Variants in PTPRZ1 observed in about 807,000 individuals in gnomAD.
PTPRZ1 encodes receptor-type tyrosine-protein phosphatase zeta.
PTPRZ1 carries 82 observed loss-of-function variants against 214.1 expected under a neutral mutation model. That is an observed-to-expected ratio of 0.38 (90% CI 0.32 to 0.46). PTPRZ1 has a LOEUF of 0.46. Ranked by LOEUF, PTPRZ1 falls within the 20% of genes least tolerant of loss-of-function variation. The pLI, the probability that PTPRZ1 is intolerant of heterozygous loss-of-function variation, is 1.00. For synonymous variants in PTPRZ1, 945 were observed against 987.9 expected, an observed-to-expected ratio of 0.96 and a Z score of 0.81; for missense variants, 2,603 against 2,748.7, an observed-to-expected ratio of 0.95 and a Z score of 1.19.
intron 1 of PTPRZ1, among the ~76,000 whole-genome samples, chr7:121,896,127 C>T (rs76477885): frequency 2.0e-5 from 3 of 152,280 alleles, no homozygotes; most frequent in Non-Finnish European, 4.4e-5. Context: ...AAAAGGAACA[C>T]ATTAACAGCA....
intron 6 of PTPRZ1, among the ~76,000 whole-genome samples, chr7:121,978,144 C>T (rs2116549288): frequency 6.6e-6 from 1 of 152,240 alleles, no homozygotes; most frequent in South Asian, 2.1e-4. Flanking sequence ...GTCTGAAAGC[C>T]ATTCAGGAAG....
intron 29 of PTPRZ1, 43 bp downstream of exon 29, chr7:122,059,931 A>G: frequency 7.6e-6 from 12 of 1,585,982 alleles, no homozygotes; most frequent in Non-Finnish European, 1.0e-5. Flanking sequence ...CTGATAGAGT[A>G]CAACTAACTT....
intron 2 of PTPRZ1, among the ~76,000 whole-genome samples, chr7:121,938,332 TAAAC>T (rs1375229995): frequency 6.6e-6 from 1 of 152,240 alleles, no homozygotes; most frequent in East Asian, 1.9e-4. Context: ...GTTTTCAAGA[TAAAC>T]AATAACTTGT....
intron 2 of PTPRZ1, among the ~76,000 whole-genome samples, chr7:121,933,595 A>T (rs2116393016): frequency 6.6e-6 from 1 of 152,310 alleles, no homozygotes; most frequent in South Asian, 2.1e-4. Context: ...TTAAATATCG[A>T]ATTGATTCTA....
At position 122,034,243 on chromosome 7, in the gene PTPRZ1, G is replaced by A. The variant is rs1485139526; in HGVS notation, c.5188-39G>A. The A allele has an allele frequency of 2.5e-6, 4 of 1,587,980 alleles. No homozygotes were observed. In the Admixed American group the frequency reaches 6.8e-5, roughly 27 times the overall value. On this transcript the variant is annotated intron_variant, in intron 16 of 29. Transcript: ENST00000393386. ...ATATTTTAAGGCACGTTGTTTGAAA[G>A]AATGTGTGTTAAAATGATTTACATA...
intron 10 of PTPRZ1, among the ~76,000 whole-genome samples, chr7:122,003,072 G>A (rs1400085865): frequency 6.6e-6 from 1 of 152,074 alleles, no homozygotes; most frequent in Non-Finnish European, 1.5e-5. Context: ...GTATTAATTT[G>A]CATGGCGATT....
At chr7:122,032,026 A>C (rs904881136) in intron 15 of PTPRZ1, 1 of 152,196 alleles carries the variant, frequency 6.6e-6, no homozygotes, top group Admixed American at 6.6e-5. Flanking sequence ...TCTTCTTTTC[A>C]AGAAAATATG....
At chr7:121,922,333 G>T (rs2116348532) in intron 1 of PTPRZ1, among the ~76,000 whole-genome samples, 1 of 152,312 alleles carries the variant, frequency 6.6e-6, no homozygotes, top group East Asian at 1.9e-4. Flanking sequence ...AAGGCGGGCA[G>T]ATCACTTGAG....
At chr7:121,953,610 ATTATT>A (rs1396179570) in intron 2 of PTPRZ1, among the ~76,000 whole-genome samples, 3 of 152,216 alleles carry the variant, frequency 2.0e-5, no homozygotes, top group Non-Finnish European at 4.4e-5. Flanking sequence ...AATTTTTGGC[ATTATT>A]TCAGTCCTTG....
intron 14 of PTPRZ1, among the ~76,000 whole-genome samples, chr7:122,029,455 T>C (rs1176400169): frequency 6.6e-6 from 1 of 152,010 alleles, no homozygotes; most frequent in Non-Finnish European, 1.5e-5. Context: ...ACATCTTGGA[T>C]TGAAAAGTGG....
At chr7:122,051,285 T>C in intron 23 of PTPRZ1, 143 bp from the exon 24 acceptor site, 3 of 479,944 alleles carry the variant, frequency 6.3e-6, no homozygotes, top group Non-Finnish European at 1.1e-5. Flanking sequence ...TTCAAGGAAT[T>C]GTTGGAAAAC....
chr7:121,999,152 A>G (rs1426995071), intron 10 of PTPRZ1, among the ~76,000 whole-genome samples: 3 of 152,226 alleles, frequency 2.0e-5, no homozygotes, highest in Admixed American at 6.5e-5. Context: ...CCAACTTGAT[A>G]TTAACGACTA....
chr7:122,013,066 C>T lies in PTPRZ1; in HGVS notation c.4020C>T (p.Thr1340=), dbSNP rs1798728576. The change falls in exon 12 of 30, where the codon ACC becomes ACT. Residue 1340 remains threonine, a synonymous_variant. Coordinates refer to ENST00000393386, the MANE Select transcript of PTPRZ1 (RefSeq NM_002851.3). ...LIHSDEILTS[T]KSSVTGKVFA... is the part of the protein sequence containing the mutation. ...ATTCCGATGAAATTTTAACCTCCAC[C>T]AAAAGTTCTGTTACTGGTAAGGTAT... 6.2e-7 allele frequency: 1 copy of T among 1,613,380 alleles called. No individual in the cohort carries two copies. The highest frequency in any genetic ancestry group is 8.5e-7 in the Non-Finnish European group (1 of 1,179,366).
chr7:121,930,562 C>CTATT (rs1011627752), intron 2 of PTPRZ1, among the ~76,000 whole-genome samples: 3 of 152,050 alleles, frequency 2.0e-5, no homozygotes, highest in Non-Finnish European at 4.4e-5. Flanking sequence ...TTAAAATTAT[C>CTATT]TATTTCCCCA....
At chr7:122,055,178 T>C (rs1051314410) in intron 27 of PTPRZ1, 91 bp downstream of exon 27, 2 of 1,104,016 alleles carry the variant, frequency 1.8e-6, no homozygotes, top group South Asian at 2.7e-5. Context: ...ATGAAAAGCA[T>C]GATTCTGATT....
intron 1 of PTPRZ1, among the ~76,000 whole-genome samples, chr7:121,920,686 T>C (rs1795570850): frequency 6.6e-6 from 1 of 152,306 alleles, no homozygotes; most frequent in East Asian, 1.9e-4. Flanking sequence ...AATGTGGTAC[T>C]TCATCCACAG....
chr7:121,904,236 A>C (rs1357950123), intron 1 of PTPRZ1, among the ~76,000 whole-genome samples: 2 of 152,116 alleles, frequency 1.3e-5, no homozygotes, highest in African/African-American at 4.8e-5. Flanking sequence ...TGGGGAGACA[A>C]GGGAGATTGA....
intron 1 of PTPRZ1, among the ~76,000 whole-genome samples, chr7:121,890,397 TGG>T (rs1794553444): frequency 6.6e-6 from 1 of 152,164 alleles, no homozygotes; most frequent in Non-Finnish European, 1.5e-5. Flanking sequence ...GTATTGCTCC[TGG>T]GTTACATTTT....
intron 8 of PTPRZ1, among the ~76,000 whole-genome samples, chr7:121,996,007 A>C (rs1204067879): frequency 2.6e-5 from 4 of 152,222 alleles, no homozygotes; most frequent in Non-Finnish European, 1.5e-5. Context: ...TTTATAATCC[A>C]CTAGAGGAGT....
Sources: gnomAD v4.1 joint callset for allele counts (sites outside exome capture counted in the v4.1 genomes callset) on GRCh38, gnomAD v4.1.1 for gene constraint, MANE v1.5 for transcripts, NCBI Gene and HGNC (gene_info 2026-07-23, HGNC 2026-07-21) for gene names.